The following SF3A3 variants were observed in gnomAD, a reference collection of about 807,000 sequenced individuals.
SF3A3 encodes SAP 61.
In SF3A3, 9 loss-of-function variants were observed where a neutral mutation model predicts 85.8. That is an observed-to-expected ratio of 0.10 (90% confidence interval 0.06 to 0.18). The LOEUF (loss-of-function observed/expected upper bound fraction) is 0.18. SF3A3 is among the 10% of genes least tolerant of loss of function. The pLI is 1.00. For missense variants in SF3A3, 306 were observed against 593.3 expected (o/e 0.52, Z 5.03); for synonymous variants, 195 against 204.4 (o/e 0.95, Z 0.39).
intron 4 of SF3A3, among the ~76,000 whole-genome samples, chr1:37,985,971 C>T (rs1248575367): frequency 1.9e-5 from 1 of 53,220 alleles, no homozygotes; most frequent in African/African-American, 6.2e-5. Context: ...TTTTTTTTGA[C>T]GGAGTCTTGC....
chr1:37,984,993 A>G (rs1425480538), intron 4 of SF3A3, among the ~76,000 whole-genome samples: 1 of 152,186 alleles, frequency 6.6e-6, no homozygotes, highest in Non-Finnish European at 1.5e-5. Flanking sequence ...TTTTTAGTAG[A>G]GACAGGGTTT....
intron 6 of SF3A3, among the ~76,000 whole-genome samples, chr1:37,982,613 C>A (rs1030022405): frequency 3.3e-5 from 5 of 152,094 alleles, no homozygotes; most frequent in Non-Finnish European, 4.4e-5. Context: ...CTCAGGTGAT[C>A]CACCTGCCTT....
chr1:37,970,250 A>G (rs1179235721), intron 12 of SF3A3, among the ~76,000 whole-genome samples: 1 of 150,602 alleles, frequency 6.6e-6, no homozygotes, highest in Non-Finnish European at 1.5e-5. Flanking sequence ...GGATGCAGTG[A>G]GCTCTGATCC....
chr1:37,961,796 A>G (rs1333793942), intron 15 of SF3A3, among the ~76,000 whole-genome samples: 2 of 145,240 alleles, frequency 1.4e-5, no homozygotes, highest in Non-Finnish European at 3.0e-5. Context: ...AAGAAAGAAA[A>G]AAAGGCCGGG....
chr1:37,969,591 G>A lies in SF3A3; in HGVS notation c.1150C>T (p.Pro384Ser). The A allele has an allele frequency of 6.2e-7, 1 of 1,614,206 alleles. No individual in the cohort carries two copies. Among genetic ancestry groups the A allele is most frequent in the Non-Finnish European group, 8.5e-7 (1 of 1,180,046 alleles). Residue 384 changes from proline to serine, a missense_variant, in exon 13 of 17, where the codon CCA (proline) becomes TCA (serine). Physicochemically the swap from Pro to Ser is moderately conservative, Grantham distance 74. This residue lies in a region of SF3A3 where 136 missense variants were observed against 296.6 expected (regional missense o/e 0.46). Transcript: ENST00000373019. ...CTTACTTTGCCATCCCAGCCAAGTG[G>A]CAGGTTTTTGGGGTTGTAAATGATC... ...NEIIYNPKNL[P>S]LGWDGKPIPY...
chr1:37,957,381 C>CA lies in SF3A3; in HGVS notation c.*804_*805insT, dbSNP rs1646226864. On this transcript the variant is annotated 3_prime_UTR_variant, in exon 17 of 17. Coordinates refer to ENST00000373019, the MANE Select transcript of SF3A3 (RefSeq NM_006802.4). ...CATTCCAACACAGCCCAACTCCCCC[C>CA]CCCCCCCCTTTTTTTTTTTTTGAGA... 1 of 137,786 alleles carries CA rather than the reference C, an allele frequency of 7.3e-6. No individual in the cohort carries two copies. The highest frequency in any genetic ancestry group is 1.6e-5 in the Non-Finnish European group (1 of 62,506). 8.5% of individuals were successfully genotyped at this position (137,786 alleles called of 1,614,324 possible). A position where few individuals can be genotyped will look rare whatever the true frequency, so the allele number is the denominator to read the frequency against.
intron 12 of SF3A3, 72 bp downstream of exon 12, chr1:37,976,812 C>A: frequency 1.0e-6 from 1 of 962,684 alleles, no homozygotes. Context: ...GAAAAAGTAT[C>A]TTCTGTGAGT....
At chr1:37,963,606 G>C (rs139184623) in intron 15 of SF3A3, among the ~76,000 whole-genome samples, 2,486 of 151,078 alleles carry the variant, frequency 0.016, 61 homozygotes, top group African/African-American at 0.057. Flanking sequence ...GCCCAGGTTG[G>C]AGTAAAGTGG....
intron 12 of SF3A3, among the ~76,000 whole-genome samples, chr1:37,974,988 T>G (rs1160546447): frequency 6.6e-6 from 1 of 152,216 alleles, no homozygotes; most frequent in Non-Finnish European, 1.5e-5. Flanking sequence ...TCACATTATA[T>G]TGTAATTATT....
chr1:37,987,622 T>C lies in SF3A3; in HGVS notation c.254A>G (p.Tyr85Cys), dbSNP rs1328376965. ...TTCCTTTATTTGCTTGAGTCTATTA[T>C]AGAATTCAGCAAACTCATTGGGTCC... ...ISGPNEFAEF[Y>C]NRLKQIKEFH... The change falls in exon 4 of 17, where the codon TAT becomes TGT. Residue 85 changes from tyrosine (Y) to cysteine (C), a missense_variant. By Grantham distance (194) the Tyr-to-Cys change is radical. Coordinates refer to ENST00000373019, the MANE Select transcript of SF3A3 (RefSeq NM_006802.4). 1.1e-5 allele frequency: 18 copies of C among 1,614,034 alleles called. No homozygotes were observed. Among genetic ancestry groups the C allele is most frequent in the African/African-American group, 4.0e-5 (3 of 74,940 alleles).
chr1:37,963,063 G>T (rs983594831), intron 15 of SF3A3, among the ~76,000 whole-genome samples: 3 of 149,630 alleles, frequency 2.0e-5, no homozygotes, highest in African/African-American at 7.4e-5. Context: ...ACTCTAGCCT[G>T]AGCAACAGAG....
At position 37,984,777 on chromosome 1, in the gene SF3A3, G is replaced by A. The variant is rs1646443673; in HGVS notation, c.306C>T (p.Ile102=). ...KEFHRKHPNE[I]CVPMSVEFEE... The stretch of plus-strand genomic sequence containing the variant: ...CAAATTCCACTGACATTGGCACACA[G>A]ATCTGAGGGGAAAAGTAAAAGCTCA... Residue 102 remains isoleucine (I), a splice_region_variant and synonymous_variant, in exon 5 of 17, where the codon ATC becomes ATT. Coordinates refer to ENST00000373019, the MANE Select transcript of SF3A3 (RefSeq NM_006802.4). 1.2e-6 allele frequency: 2 copies of A among 1,612,920 alleles called. No homozygotes were observed. The highest frequency in any genetic ancestry group is 1.7e-5 in the Admixed American group (1 of 59,980).
At chr1:37,981,951 T>G (rs547328267) in intron 6 of SF3A3, 140 bp from the exon 7 acceptor site, 215 of 574,500 alleles carry the variant, frequency 3.7e-4, no homozygotes, top group African/African-American at 3.6e-3. Context: ...TGGTTTTTTT[T>G]GCTTGCCTAT....
chr1:37,979,219 T>C (rs932859186), intron 9 of SF3A3, 164 bp from the exon 10 acceptor site: 16 of 645,306 alleles, frequency 2.5e-5, no homozygotes, highest in Non-Finnish European at 4.1e-5. Flanking sequence ...TCTATAGTTA[T>C]CTTCAGACTT....
chr1:37,989,987 C>G lies in SF3A3; in HGVS notation c.-22G>C. 6.4e-7 allele frequency: 1 copy of G among 1,568,590 alleles called. No individual in the cohort carries two copies. Among genetic ancestry groups the G allele is most frequent in the Non-Finnish European group, 8.7e-7 (1 of 1,145,448 alleles). ...CCATCTTCCCTTAGTCGCGGCTTCT[C>G]AATTCAGACCACCAACACGGCCGGA... On this transcript the variant is annotated 5_prime_UTR_variant, in exon 1 of 17. Coordinates refer to ENST00000373019, the MANE Select transcript of SF3A3 (RefSeq NM_006802.4).
At chr1:37,964,480 G>A (rs1248138902) in intron 15 of SF3A3, among the ~76,000 whole-genome samples, 1 of 151,852 alleles carries the variant, frequency 6.6e-6, no homozygotes, top group Non-Finnish European at 1.5e-5. Flanking sequence ...GGTGGCGAGC[G>A]CCTGTAATTC....
At chr1:37,977,776 T>A (rs61776715) in intron 11 of SF3A3, among the ~76,000 whole-genome samples, 17,103 of 151,730 alleles carry the variant, frequency 0.11, 1,305 homozygotes, top group East Asian at 0.25. Context: ...GCGGTGGAGG[T>A]TGCAGCGAGC....
intron 12 of SF3A3, among the ~76,000 whole-genome samples, chr1:37,974,438 G>C (rs1310557358): frequency 6.6e-6 from 1 of 151,684 alleles, no homozygotes; most frequent in Non-Finnish European, 1.5e-5. Flanking sequence ...GAGTAGCTGG[G>C]ACTACAGATG....
chr1:37,987,862 G>A, intron 2 of SF3A3, 26 bp from the exon 3 acceptor site: 1 of 1,594,400 alleles, frequency 6.3e-7, no homozygotes, highest in Non-Finnish European at 8.6e-7. Context: ...AAAACCATCA[G>A]AATGATGCAA....
Sources: gnomAD v4.1 joint callset for allele counts (sites outside exome capture counted in the v4.1 genomes callset) on GRCh38, gnomAD v4.1.1 for gene constraint, gnomAD v4.1.1 regional missense constraint, MANE v1.5 for transcripts, NCBI Gene and HGNC (gene_info 2026-07-23, HGNC 2026-07-21) for gene names.